The following MYBPHL variants were observed in gnomAD, a reference collection of about 807,000 sequenced individuals.
The protein encoded by MYBPHL is myosin binding protein H like.
A neutral mutation model predicts 39.5 loss-of-function variants in MYBPHL; 32 were observed. The ratio of observed to expected loss-of-function variants is 0.81; its 90% CI spans 0.61 to 1.09. MYBPHL has a LOEUF of 1.09. Ranked by LOEUF, MYBPHL falls within the 50% of genes least tolerant of loss-of-function variation. The pLI is 0.00. For missense variants in MYBPHL, 456 were observed against 460.2 expected (o/e 0.99, Z 0.08); for synonymous variants, 196 against 183.7 (o/e 1.07, Z -0.54).
Position 109,295,203 on chromosome 1 carries a change from C to A in MYBPHL, c.962G>T (p.Arg321Leu). 6.8e-6 allele frequency: 11 copies of A among 1,614,098 alleles called. No homozygotes were observed. Among genetic ancestry groups the A allele is most frequent in the Non-Finnish European group, 7.6e-6 (9 of 1,180,006 alleles). ...THLGICSLEI[R>L]KPGPFDGGIY... ...GCCTCCATCAAAGGGACCCGGCTTG[C>A]GGATCTCTAGGGAGCAGATTCCCAG... Residue 321 changes from arginine (R) to leucine (L), a missense_variant, in exon 7 of 9, where the codon CGC (arginine) becomes CTC (leucine). By Grantham distance (102) the Arg-to-Leu change is moderately radical. Transcript: ENST00000357155.
At chr1:109,302,000 T>C (rs1009755901) in intron 1 of MYBPHL, among the ~76,000 whole-genome samples, 4 of 152,012 alleles carry the variant, frequency 2.6e-5, no homozygotes, top group Non-Finnish European at 5.9e-5. Flanking sequence ...GATGGAAGCA[T>C]TGGAGAAGTG....
chr1:109,303,541 G>A (rs1354877904), intron 1 of MYBPHL, among the ~76,000 whole-genome samples: 3 of 152,130 alleles, frequency 2.0e-5, no homozygotes, highest in Non-Finnish European at 4.4e-5. Flanking sequence ...GTGAACTCTG[G>A]CAATTCTACT....
chr1:109,303,941 T>C (rs1658376132), intron 1 of MYBPHL, among the ~76,000 whole-genome samples: 2 of 151,178 alleles, frequency 1.3e-5, no homozygotes, highest in Admixed American at 6.6e-5. Flanking sequence ...GTGGAAAATA[T>C]TCCCCCAAAT....
Position 109,296,944 on chromosome 1 carries a change from T to C in MYBPHL, c.571-2A>G. 2 of 1,614,156 alleles carry C rather than the reference T, an allele frequency of 1.2e-6. No homozygotes were observed. The highest frequency in any genetic ancestry group is 1.7e-6 in the Non-Finnish European group (2 of 1,180,010). ...GTGCTCCAGCACCGTGAACCACAGCTGCGGGGCCGAACATGATGCCAGAAA... is the reference window on the plus strand; with the variant it reads ...GTGCTCCAGCACCGTGAACCACAGCCGCGGGGCCGAACATGATGCCAGAAA... On this transcript the variant is annotated splice_acceptor_variant, in intron 4 of 8. Coordinates refer to ENST00000357155, the MANE Select transcript of MYBPHL (RefSeq NM_001010985.3). LOFTEE classifies it high-confidence loss of function.
rs550975134 is a variant in MYBPHL, at chr1:109,296,932, G to A, written c.581C>T (p.Thr194Met). 5.5e-5 allele frequency: 89 copies of A among 1,614,178 alleles called. No individual in the cohort carries two copies. The highest frequency in any genetic ancestry group is 4.0e-4 in the African/African-American group (30 of 75,038). ...GGTGCGGTGATAGTGCTCCAGCACCGTGAACCACAGCTGCGGGGCCGAACA... is the reference window on the plus strand; with the variant it reads ...GGTGCGGTGATAGTGCTCCAGCACCATGAACCACAGCTGCGGGGCCGAACA... The part of the protein sequence containing the change: ...KADTKSGLWF[T>M]VLEHYHRTSC... The change falls in exon 5 of 9, where the codon ACG becomes ATG. Residue 194 changes from threonine (T) to methionine (M), a missense_variant. Physicochemically the swap from Thr to Met is moderately conservative, Grantham distance 81. Coordinates refer to ENST00000357155, the MANE Select transcript of MYBPHL (RefSeq NM_001010985.3).
chr1:109,293,006 C>T (rs182811642), intron 8 of MYBPHL: 2 of 152,166 alleles, frequency 1.3e-5, no homozygotes, highest in African/African-American at 2.4e-5. Flanking sequence ...GACCACACAC[C>T]TAAAGGTTAA....
chr1:109,306,812 C>T (rs368088729), intron 1 of MYBPHL, 35 bp downstream of exon 1: 185 of 1,528,540 alleles, frequency 1.2e-4, no homozygotes, highest in Middle Eastern at 6.3e-4. Flanking sequence ...TCCCACCACC[C>T]GGCCTCCCCA....
At chr1:109,304,444 T>C (rs1025211550) in intron 1 of MYBPHL, among the ~76,000 whole-genome samples, 2 of 152,198 alleles carry the variant, frequency 1.3e-5, no homozygotes, top group Non-Finnish European at 2.9e-5. Flanking sequence ...AGATGGGCTC[T>C]TTCTCCTCCA....
chr1:109,294,751 T>C (rs1005251070), intron 7 of MYBPHL, among the ~76,000 whole-genome samples: 1 of 152,010 alleles, frequency 6.6e-6, no homozygotes, highest in African/African-American at 2.4e-5. Flanking sequence ...TTGCACAGCA[T>C]AAAGAAAAAT....
chr1:109,294,043 AAC>A (rs1657964769), intron 8 of MYBPHL, among the ~76,000 whole-genome samples, 161 bp downstream of exon 8: 1 of 152,192 alleles, frequency 6.6e-6, no homozygotes, highest in Non-Finnish European at 1.5e-5. Flanking sequence ...TAGCCTGGGC[AAC>A]AGAGTAAGAC....
chr1:109,294,743 G>A (rs1205371186), intron 7 of MYBPHL, among the ~76,000 whole-genome samples: 1 of 152,126 alleles, frequency 6.6e-6, no homozygotes, highest in Non-Finnish European at 1.5e-5. Context: ...TCAGAAGATT[G>A]CACAGCATAA....
chr1:109,296,760 C>T lies in MYBPHL; in HGVS notation c.730+23G>A, dbSNP rs770820326. On this transcript the variant is annotated intron_variant, in intron 5 of 8. Coordinates refer to ENST00000357155, the MANE Select transcript of MYBPHL (RefSeq NM_001010985.3). Reference sequence around the variant, plus strand: ...GGCCTATCCTTAAGTCTTCCCAGCTCATGATCCCCATGCCTCCCTTACCTG... The same window carrying T: ...GGCCTATCCTTAAGTCTTCCCAGCTTATGATCCCCATGCCTCCCTTACCTG... The T allele has an allele frequency of 2.5e-6, 4 of 1,613,960 alleles. No homozygotes were observed. In the East Asian group the frequency reaches 6.7e-5, roughly 27 times the overall value.
intron 2 of MYBPHL, 147 bp from the exon 3 acceptor site, chr1:109,297,764 G>C (rs531814925): frequency 1.5e-6 from 1 of 676,770 alleles, no homozygotes; most frequent in African/African-American, 1.8e-5. Flanking sequence ...GGACCCTCCC[G>C]GGGGCCTCCT....
intron 1 of MYBPHL, among the ~76,000 whole-genome samples, chr1:109,302,165 T>C (rs1009227352): frequency 6.6e-6 from 1 of 151,984 alleles, no homozygotes; most frequent in African/African-American, 2.4e-5. Flanking sequence ...TGAGAGTGTG[T>C]GTGTGAGAGA....
intron 1 of MYBPHL, among the ~76,000 whole-genome samples, chr1:109,298,565 G>A (rs1658171338): frequency 1.3e-5 from 2 of 152,098 alleles, no homozygotes; most frequent in African/African-American, 4.8e-5. Context: ...CCTGATGGAG[G>A]CATTTTTATT....
intron 8 of MYBPHL, chr1:109,292,957 ATGAGC>A (rs1181416503): frequency 6.6e-6 from 1 of 152,228 alleles, no homozygotes; most frequent in African/African-American, 2.4e-5. Context: ...GTTCTAAATG[ATGAGC>A]TGAGCTGTCT....
At chr1:109,293,718 C>T (rs1397306809) in intron 8 of MYBPHL, among the ~76,000 whole-genome samples, 5 of 148,514 alleles carry the variant, frequency 3.4e-5, no homozygotes, top group East Asian at 2.0e-4. Context: ...CCGGCCTGGG[C>T]GACAAAGCGA....
At chr1:109,302,356 C>T (rs2101486426) in intron 1 of MYBPHL, among the ~76,000 whole-genome samples, 1 of 152,248 alleles carries the variant, frequency 6.6e-6, no homozygotes, top group African/African-American at 2.4e-5. Context: ...TACTCAGAAA[C>T]CTGTCTGGAG....
chr1:109,297,388 A>G (rs763996699), intron 3 of MYBPHL, 34 bp downstream of exon 3: 2 of 1,593,068 alleles, frequency 1.3e-6, no homozygotes, highest in East Asian at 4.5e-5. Flanking sequence ...GGAGTTCCTG[A>G]GGACCCCCCC....
Sources: allele counts gnomAD v4.1 joint callset (sites outside exome capture counted in the v4.1 genomes callset), GRCh38; gene constraint gnomAD v4.1.1; transcripts MANE v1.5; gene names NCBI Gene and HGNC (gene_info 2026-07-23, HGNC 2026-07-21).